SPIRE1: variants seen among roughly 807,000 people sequenced by gnomAD.
The protein encoded by SPIRE1 is spire type actin nucleation factor 1.
Under a neutral mutation model 94.1 loss-of-function variants are expected in SPIRE1, and 40 were observed. The observed-to-expected ratio is 0.43, with a 90% CI of 0.33 to 0.55. SPIRE1 has a LOEUF of 0.55. Among genes scored for constraint, SPIRE1 ranks in the 20% least tolerant of loss-of-function variants. The pLI, the probability that SPIRE1 is intolerant of heterozygous loss-of-function variation, is 0.06. For synonymous variants in SPIRE1, 376 were observed against 371.7 expected (o/e 1.01, Z -0.13); for missense variants, 838 against 975.2 (o/e 0.86, Z 1.87).
intron 4 of SPIRE1, among the ~76,000 whole-genome samples, chr18:12,512,921 T>C (rs928135830): frequency 6.6e-6 from 1 of 152,128 alleles, no homozygotes; most frequent in Non-Finnish European, 1.5e-5. Context: ...CTGGTCTCTT[T>C]CATTGTCTAC....
chr18:12,585,821 C>G (rs540882734), intron 2 of SPIRE1, among the ~76,000 whole-genome samples: 1 of 152,170 alleles, frequency 6.6e-6, no homozygotes, highest in African/African-American at 2.4e-5. Flanking sequence ...ATATATTTTT[C>G]TAGGAGAACA....
At chr18:12,491,036 A>T (rs1196737919) in intron 8 of SPIRE1, among the ~76,000 whole-genome samples, 4 of 152,120 alleles carry the variant, frequency 2.6e-5, no homozygotes, top group Non-Finnish European at 4.4e-5. Flanking sequence ...CTCCATAAAA[A>T]TTTTTTTCAA....
intron 16 of SPIRE1, chr18:12,450,328 T>C (rs1314844690): frequency 6.6e-5 from 19 of 288,194 alleles, no homozygotes; most frequent in Non-Finnish European, 1.3e-5. Context: ...CACTGCACTC[T>C]AGCCAGGGTG....
intron 5 of SPIRE1, among the ~76,000 whole-genome samples, chr18:12,510,866 C>T (rs571287148): frequency 6.6e-6 from 1 of 152,258 alleles, no homozygotes; most frequent in South Asian, 2.1e-4. Context: ...TAACACACTC[C>T]ACAACATTCA....
chr18:12,615,546 A>G (rs190514811), intron 2 of SPIRE1, among the ~76,000 whole-genome samples: 1,911 of 146,348 alleles, frequency 0.013, 102 homozygotes, highest in Middle Eastern at 0.043. Flanking sequence ...TCTCCACAAA[A>G]AAAAAAAAAA....
At chr18:12,600,922 A>G (rs2036816646) in intron 2 of SPIRE1, among the ~76,000 whole-genome samples, 1 of 152,038 alleles carries the variant, frequency 6.6e-6, no homozygotes. Flanking sequence ...AGGTCTCACT[A>G]TATTGCCCAG....
intron 2 of SPIRE1, among the ~76,000 whole-genome samples, chr18:12,570,834 G>GTT (rs1463868069): frequency 6.6e-6 from 1 of 152,056 alleles, no homozygotes; most frequent in Non-Finnish European, 1.5e-5. Context: ...ACCAAATGAG[G>GTT]ACTTCCCTTG....
chr18:12,464,947 C>T lies in SPIRE1; in HGVS notation c.1416G>A (p.Leu472=). 1 of 1,613,966 alleles carries T rather than the reference C, an allele frequency of 6.2e-7. No homozygotes were observed. Among genetic ancestry groups the T allele is most frequent in the Non-Finnish European group, 8.5e-7 (1 of 1,179,960 alleles). The change falls in exon 11 of 17, where the codon CTG becomes CTA. Residue 472 remains leucine (L), a synonymous_variant. Transcript: ENST00000409402. ...CGCTGCTGCTGCTGGTCGACTTGTG[C>T]AGCGTTTCTTCCTGAGCAAAGTACA... ...LDSSESEEET[L]HKSTSSSSVS...
intron 2 of SPIRE1, among the ~76,000 whole-genome samples, chr18:12,625,087 A>G (rs2037583012): frequency 6.6e-6 from 1 of 152,160 alleles, no homozygotes; most frequent in African/African-American, 2.4e-5. Context: ...CTGAATTTCA[A>G]ATATGCCAAG....
At chr18:12,656,709 C>G in intron 1 of SPIRE1, 3 of 981,956 alleles carry the variant, frequency 3.1e-6, no homozygotes, top group Non-Finnish European at 3.6e-6. Context: ...CAACCTCCTC[C>G]TCCTCTTCAA....
rs1042588917 is a variant in SPIRE1, at chr18:12,449,321, C to A, written c.*317G>T. On this transcript the variant is annotated 3_prime_UTR_variant, in exon 17 of 17. Transcript: ENST00000409402. ...AGAAGCTTTTTTTTTTTGCCTTAGT[C>A]AGGAGATTATTCGAGGAACAGTAAA... The A allele has an allele frequency of 1.6e-4, 44 of 275,226 alleles. No homozygotes were observed. Among genetic ancestry groups the A allele is most frequent in the Middle Eastern group, 1.3e-3 (1 of 762 alleles). The allele number at this position is 275,226 out of a possible 1,614,324, so 17.0% of individuals were successfully genotyped here. A position where few individuals can be genotyped will look rare whatever the true frequency, so the allele number is the denominator to read the frequency against.
At chr18:12,651,251 ATC>A (rs2038371184) in intron 1 of SPIRE1, among the ~76,000 whole-genome samples, 1 of 152,152 alleles carries the variant, frequency 6.6e-6, no homozygotes, top group African/African-American at 2.4e-5. Flanking sequence ...CATTTCACCA[ATC>A]TCTAATTCTA....
intron 10 of SPIRE1, among the ~76,000 whole-genome samples, chr18:12,475,598 G>T (rs1376995083): frequency 1.3e-5 from 2 of 152,034 alleles, no homozygotes; most frequent in Non-Finnish European, 2.9e-5. Context: ...ACTATAAAAT[G>T]TGAACGAAAA....
intron 2 of SPIRE1, among the ~76,000 whole-genome samples, chr18:12,614,133 A>C (rs1311357747): frequency 2.0e-5 from 3 of 152,150 alleles, no homozygotes; most frequent in Non-Finnish European, 1.5e-5. Flanking sequence ...GGTAGCACAC[A>C]CCTGTTAGTC....
Position 12,455,624 on chromosome 18 carries a change from G to A in SPIRE1, c.1639-1141C>T, listed in dbSNP as rs144014070. On this transcript the variant is annotated intron_variant, in intron 12 of 16. Coordinates refer to ENST00000409402, the MANE Select transcript of SPIRE1 (RefSeq NM_001128626.2). The stretch of plus-strand genomic sequence containing the variant: ...TTGAATAAGAGCCTCACACCCATCC[G>A]CTCCCCATCCGGCCCCGCACTTGAT... Among the ~76,000 whole-genome samples the A allele has an allele frequency of 1.1e-3, 166 of 152,252 alleles. 1 individual carries two copies. Among genetic ancestry groups the A allele is most frequent in the East Asian group, 5.8e-3 (30 of 5,184 alleles).
intron 2 of SPIRE1, among the ~76,000 whole-genome samples, chr18:12,549,439 G>GGTTTTTTTTTTTTTTTTTTTTTTT (rs2035275774): frequency 7.3e-5 from 3 of 41,248 alleles, no homozygotes; most frequent in Non-Finnish European, 1.2e-4. Context: ...TGTTATTGTT[G>GGTTTTTTTTTTTTTTTTTTTTTTT]TTTTTTTTTT....
At chr18:12,589,325 G>A (rs2036467735) in intron 2 of SPIRE1, among the ~76,000 whole-genome samples, 1 of 152,038 alleles carries the variant, frequency 6.6e-6, no homozygotes, top group South Asian at 2.1e-4. Context: ...TAAAGTAAAA[G>A]GCAACAGAGC....
intron 5 of SPIRE1, among the ~76,000 whole-genome samples, chr18:12,510,547 CTT>C (rs555228447): frequency 3.5e-5 from 5 of 143,956 alleles, no homozygotes; most frequent in Non-Finnish European, 3.1e-5. Flanking sequence ...CAACAATCTT[CTT>C]TTTTTTTTTT....
chr18:12,647,682 A>G (rs1057426903), intron 1 of SPIRE1, among the ~76,000 whole-genome samples: 3 of 152,228 alleles, frequency 2.0e-5, no homozygotes, highest in Admixed American at 2.0e-4. Flanking sequence ...TGTACCCAGA[A>G]GTTCAAAGTT....
Sources: gnomAD v4.1 joint callset for allele counts (sites outside exome capture counted in the v4.1 genomes callset) on GRCh38, gnomAD v4.1.1 for gene constraint, MANE v1.5 for transcripts, NCBI Gene and HGNC (gene_info 2026-07-23, HGNC 2026-07-21) for gene names.